The following NIPBL variants were observed in gnomAD, a reference collection of about 807,000 sequenced individuals.
NIPBL encodes the protein NIPBL cohesin loading factor, also known as nipped-B-like protein.
Under a neutral mutation model 321.8 loss-of-function variants are expected in NIPBL, and 19 were observed. That is an observed-to-expected ratio of 0.06 (90% CI 0.04 to 0.09). The LOEUF is 0.09. Ranked by LOEUF, NIPBL falls within the 10% of genes least tolerant of loss-of-function variation. The pLI, the probability that NIPBL is intolerant of heterozygous loss-of-function variation, is 1.00. For missense variants in NIPBL, 2,210 were observed against 3,327.0 expected (o/e 0.66, Z 8.26); for synonymous variants, 1,106 against 1,114.1 (o/e 0.99, Z 0.14).
intron 9 of NIPBL, among the ~76,000 whole-genome samples, chr5:36,979,069 A>G (rs1743846457): frequency 6.6e-6 from 1 of 151,758 alleles, no homozygotes; most frequent in South Asian, 2.1e-4. Flanking sequence ...TTGGCTATTC[A>G]GGTTCTTTGT....
chr5:36,907,295 A>G (rs1421990796), intron 1 of NIPBL, among the ~76,000 whole-genome samples: 1 of 152,120 alleles, frequency 6.6e-6, no homozygotes, highest in Non-Finnish European at 1.5e-5. Context: ...TTGGTCTTAT[A>G]ATTGTAAGAT....
chr5:37,057,524 A>G (rs1186858899), intron 43 of NIPBL, among the ~76,000 whole-genome samples, 192 bp downstream of exon 43: 2 of 152,230 alleles, frequency 1.3e-5, no homozygotes, highest in Non-Finnish European at 2.9e-5. Context: ...CTATTTAGAA[A>G]CATCTAAAAT....
intron 11 of NIPBL, 30 bp from the exon 12 acceptor site, chr5:37,000,342 TA>T (rs1461339507): frequency 1.2e-6 from 2 of 1,600,538 alleles, no homozygotes; most frequent in Middle Eastern, 1.7e-4. Flanking sequence ...TTAAATGAGG[TA>T]AATTATTTGT....
chr5:36,914,241 A>C (rs928349806), intron 1 of NIPBL, among the ~76,000 whole-genome samples: 8 of 152,256 alleles, frequency 5.3e-5, no homozygotes, highest in African/African-American at 1.9e-4. Flanking sequence ...TGGGAAGCAC[A>C]GGTTGTTTGG....
rs377335777 is a variant in NIPBL, at chr5:36,895,778, A to G, written c.-80+18600A>G. 2.4e-3 allele frequency among the ~76,000 whole-genome samples: 363 copies of G among 152,236 alleles called. 1 individual carries two copies. The highest frequency in any genetic ancestry group is 0.01 in the Middle Eastern group (3 of 294). On this transcript the variant is annotated intron_variant, in intron 1 of 46. Coordinates refer to ENST00000282516, the MANE Select transcript of NIPBL (RefSeq NM_133433.4). ...TCTTCTTTGGAGCAACATTCATCCA[A>G]ATCTTTTGCCCATTTTTAAATTGGG...
chr5:36,919,429 G>A (rs1289724982), intron 1 of NIPBL, among the ~76,000 whole-genome samples: 5 of 151,784 alleles, frequency 3.3e-5, no homozygotes, highest in African/African-American at 9.7e-5. Flanking sequence ...GAACACCTGG[G>A]CTTGAGTGAT....
chr5:36,899,005 T>A (rs1580177245), intron 1 of NIPBL, among the ~76,000 whole-genome samples: 1 of 152,234 alleles, frequency 6.6e-6, no homozygotes, highest in Admixed American at 6.5e-5. Flanking sequence ...ATTTTGATTT[T>A]ACTTCAGAAA....
intron 1 of NIPBL, among the ~76,000 whole-genome samples, chr5:36,896,255 T>C (rs1246386624): frequency 6.6e-6 from 1 of 152,226 alleles, no homozygotes; most frequent in Non-Finnish European, 1.5e-5. Context: ...AAGAGTTTAT[T>C]TTTGGCTCTC....
Position 37,048,503 on chromosome 5 carries a change from A to G in NIPBL, c.6591A>G (p.Gly2197=), listed in dbSNP as rs1017328866. ...TGAGATTTTTCCCCTCTCCCATAGG[A>G]TTTGCCTTTATTCAGCATCCAAGTC... ...EVQTKAIIGL[G]FAFIQHPSLM... is the part of the protein sequence containing the mutation. Residue 2197 remains glycine (G), a splice_region_variant and synonymous_variant, in exon 39 of 47, where the codon GGA becomes GGG. Transcript: ENST00000282516. 27 of 1,563,194 alleles carry G rather than the reference A, an allele frequency of 1.7e-5. No individual in the cohort carries two copies. Among genetic ancestry groups the G allele is most frequent in the Non-Finnish European group, 2.3e-5 (27 of 1,153,226 alleles).
intron 1 of NIPBL, among the ~76,000 whole-genome samples, chr5:36,911,864 G>T (rs887610282): frequency 3.9e-5 from 6 of 152,170 alleles, no homozygotes; most frequent in Non-Finnish European, 8.8e-5. Context: ...GAAGGAGCTA[G>T]TGTAAATCTA....
chr5:37,044,397 A>G lies in NIPBL; in HGVS notation c.6159A>G (p.Leu2053=). The G allele has an allele frequency of 6.2e-7, 1 of 1,613,930 alleles. No homozygotes were observed. The highest frequency in any genetic ancestry group is 8.5e-7 in the Non-Finnish European group (1 of 1,179,824). ...GCAATGTTGCAAAAATCCTAGAGCT[A>G]GTTGTACCACTGATGGAGCATCCAA... The part of the protein sequence containing the change: ...VICNVAKILE[L]VVPLMEHPSE... The change falls in exon 35 of 47, where the codon CTA becomes CTG. Residue 2053 remains leucine (L), a synonymous_variant. Transcript: ENST00000282516.
At chr5:36,885,846 A>C in intron 1 of NIPBL, 1 of 701,386 alleles carries the variant, frequency 1.4e-6, no homozygotes, top group Admixed American at 1.8e-5. Flanking sequence ...TTAATGAAGG[A>C]GAACCACGAA....
At position 37,049,873 on chromosome 5, in the gene NIPBL, A is replaced by G. The variant is rs948526865; in HGVS notation, c.6954+572A>G. Among the ~76,000 whole-genome samples the G allele has an allele frequency of 7.2e-5, 11 of 152,334 alleles. No individual in the cohort carries two copies. In the East Asian group the frequency reaches 1.9e-3, roughly 27 times the overall value. On this transcript the variant is annotated intron_variant, in intron 40 of 46. Transcript: ENST00000282516. ...GGTCAAGAGAGCACCATAGGCTACA[A>G]AAGTGTATGTATTAAGTAAGCAGAG...
rs1746952175 is a variant in NIPBL, at chr5:37,002,616, T to C, written c.3665-46T>C. On this transcript the variant is annotated intron_variant, in intron 14 of 46. Transcript: ENST00000282516. ...GTTAAGCTTGACATTTTGAACTATT[T>C]TATTTACCTAAACTTTGTTTGTGTT... The C allele has an allele frequency of 2.4e-6, 3 of 1,274,648 alleles. No homozygotes were observed. In the East Asian group the frequency reaches 7.0e-5, roughly 30 times the overall value. 79.0% of individuals were successfully genotyped at this position (1,274,648 alleles called of 1,614,324 possible). A position where few individuals can be genotyped will look rare whatever the true frequency, so the allele number is the denominator to read the frequency against.
chr5:37,063,695 C>T, intron 45 of NIPBL, 95 bp from the exon 46 acceptor site: 1 of 1,247,654 alleles, frequency 8.0e-7, no homozygotes, highest in Non-Finnish European at 1.1e-6. Flanking sequence ...CTGTTTCACC[C>T]ACACCAAACT....
intron 1 of NIPBL, among the ~76,000 whole-genome samples, chr5:36,949,987 A>C (rs1740090112): frequency 6.6e-6 from 1 of 152,024 alleles, no homozygotes; most frequent in African/African-American, 2.4e-5. Context: ...CATTCTTTTA[A>C]TTAAACCTCA....
intron 29 of NIPBL, among the ~76,000 whole-genome samples, chr5:37,024,256 A>G (rs1750006197): frequency 6.6e-6 from 1 of 151,902 alleles, no homozygotes; most frequent in African/African-American, 2.4e-5. Context: ...TTTAAGTGAT[A>G]CTTCATGTGC....
At chr5:37,004,679 C>G (rs1048134360) in intron 16 of NIPBL, among the ~76,000 whole-genome samples, 1 of 152,102 alleles carries the variant, frequency 6.6e-6, no homozygotes, top group African/African-American at 2.4e-5. Context: ...AGCTCTGGGA[C>G]CACAGATGTG....
In NIPBL at chr5:36,983,851, T is replaced by C. The variant is rs10051357; in HGVS notation, c.1496-825T>C. On this transcript the variant is annotated intron_variant, in intron 9 of 46. Coordinates refer to ENST00000282516, the MANE Select transcript of NIPBL (RefSeq NM_133433.4). Reference sequence around the variant, plus strand: ...TTACATTTCATAATACTGTAAATTATTTCTTTCTGAGACCAGAATGGATCC... The same window carrying C: ...TTACATTTCATAATACTGTAAATTACTTCTTTCTGAGACCAGAATGGATCC... Among the ~76,000 whole-genome samples, 912 of 152,174 alleles carry C rather than the reference T, an allele frequency of 6.0e-3. 11 individuals carry two copies. The highest frequency in any genetic ancestry group is 0.021 in the African/African-American group (868 of 41,578).
Sources: allele counts gnomAD v4.1 joint callset (sites outside exome capture counted in the v4.1 genomes callset), GRCh38; gene constraint gnomAD v4.1.1; transcripts MANE v1.5; gene names NCBI Gene and HGNC (gene_info 2026-07-23, HGNC 2026-07-21).